Variants in SMCR8 observed in about 807,000 individuals in gnomAD.
The protein encoded by SMCR8 is SMCR8-C9orf72 complex subunit.
A neutral mutation model predicts 56.6 loss-of-function variants in SMCR8; 30 were observed. The observed-to-expected ratio is 0.53, with a 90% CI of 0.40 to 0.72. The LOEUF is 0.72. Ranked by LOEUF, SMCR8 falls within the 30% of genes least tolerant of loss-of-function variation. SMCR8 has a pLI of 0.00. For synonymous variants in SMCR8, 538 were observed against 456.0 expected (o/e 1.18, Z -2.29); for missense variants, 1,198 against 1,157.0 (o/e 1.04, Z -0.51).
chr17:18,319,538 T>C (rs1982435955), intron 1 of SMCR8, among the ~76,000 whole-genome samples: 1 of 152,114 alleles, frequency 6.6e-6, no homozygotes, highest in African/African-American at 2.4e-5. Flanking sequence ...TCAGGCCCAC[T>C]GCTCACATGA....
chr17:18,316,608 C>T lies in SMCR8; in HGVS notation c.819C>T (p.His273=), dbSNP rs373672233. The change falls in exon 1 of 2, where the codon CAC becomes CAT. Residue 273 remains histidine (H), a synonymous_variant. Coordinates refer to ENST00000406438, the MANE Select transcript of SMCR8 (RefSeq NM_144775.3). ...ATTTGTGTCCTGGTGAGATGGAGCA[C>T]ATCCAGGATCAGGCCAGCCAGGCAT... The part of the protein sequence containing the change: ...GHDLCPGEME[H]IQDQASQAST... 8.7e-6 allele frequency: 14 copies of T among 1,614,062 alleles called. No individual in the cohort carries two copies. Among genetic ancestry groups the T allele is most frequent in the Non-Finnish European group, 1.2e-5 (14 of 1,180,040 alleles).
At chr17:18,321,877 A>G (rs1004705133) in intron 1 of SMCR8, among the ~76,000 whole-genome samples, 2 of 152,232 alleles carry the variant, frequency 1.3e-5, no homozygotes, top group South Asian at 2.1e-4. Flanking sequence ...CTTATAGGTG[A>G]GGCTCAGAGA....
intron 1 of SMCR8, among the ~76,000 whole-genome samples, chr17:18,320,826 C>T (rs371259457): frequency 1.3e-5 from 2 of 152,164 alleles, no homozygotes; most frequent in East Asian, 1.9e-4. Flanking sequence ...TTGCTTTTGC[C>T]GTGGTCTGCC....
chr17:18,318,098 C>G lies in SMCR8; in HGVS notation c.2309C>G (p.Ser770Cys), dbSNP rs773260663. The stretch of plus-strand genomic sequence containing the variant: ...AAGCCCGTGAAACATTGGGCCTCCT[C>G]CCCTTTGCACATTATGGATTTTCAG... ...YAKPVKHWAS[S>C]PLHIMDFQKW... is the part of the protein sequence containing the mutation. The change falls in exon 1 of 2, where the codon TCC (serine) becomes TGC (cysteine). Residue 770 changes from serine to cysteine, a missense_variant. Transcript: ENST00000406438. 2 of 1,613,910 alleles carry G rather than the reference C, an allele frequency of 1.2e-6. No homozygotes were observed. The highest frequency in any genetic ancestry group is 1.7e-6 in the Non-Finnish European group (2 of 1,179,866).
rs1257460050 is a variant in SMCR8, at chr17:18,317,992, G to T, written c.2203G>T (p.Val735Phe). ...YSLLSGRTLVVLGEDEAIVRK... is the reference protein window; with the variant it reads ...YSLLSGRTLVFLGEDEAIVRK... ...CCTGCTCAGTGGGAGGACACTTGTGGTCCTGGGGGAAGATGAGGCCATAGT... is the reference window on the plus strand; with the variant it reads ...CCTGCTCAGTGGGAGGACACTTGTGTTCCTGGGGGAAGATGAGGCCATAGT... The change falls in exon 1 of 2, where the codon GTC becomes TTC. Residue 735 changes from valine (V) to phenylalanine (F), a missense_variant. By Grantham distance (50) the Val-to-Phe change is conservative. Transcript: ENST00000406438. 6.2e-7 allele frequency: 1 copy of T among 1,614,126 alleles called. No homozygotes were observed.
Position 18,318,109 on chromosome 17 carries a change from A to G in SMCR8, c.2320A>G (p.Ile774Val), listed in dbSNP as rs770909725. The change falls in exon 1 of 2, where the codon ATT becomes GTT. Residue 774 changes from isoleucine to valine, a missense_variant. Ile to Val is a conservative substitution (Grantham distance 29). Transcript: ENST00000406438. The stretch of plus-strand genomic sequence containing the variant: ...ACATTGGGCCTCCTCCCCTTTGCAC[A>G]TTATGGATTTTCAGAAGTGGAAGCT... The part of the protein sequence containing the change: ...VKHWASSPLH[I>V]MDFQKWKLIG... The G allele has an allele frequency of 1.4e-5, 22 of 1,613,278 alleles. No individual in the cohort carries two copies. Among genetic ancestry groups the G allele is most frequent in the East Asian group, 2.2e-5 (1 of 44,858 alleles).
rs1005177405 is a variant in SMCR8 at position 18,317,844 on chromosome 17, C to T, written c.2055C>T (p.Ser685=). 1.2e-6 allele frequency: 2 copies of T among 1,614,194 alleles called. No homozygotes were observed. Among genetic ancestry groups the T allele is most frequent in the Middle Eastern group, 1.6e-4 (1 of 6,062 alleles). Residue 685 remains serine (S), a synonymous_variant, in exon 1 of 2, where the codon AGC becomes AGT. Coordinates refer to ENST00000406438, the MANE Select transcript of SMCR8 (RefSeq NM_144775.3). ...TSYVSSVAST[S]SDRIPSAYPA... The stretch of plus-strand genomic sequence containing the variant: ...ACGTGAGCAGTGTAGCGTCCACCAG[C>T]TCAGACAGGATCCCCTCTGCTTATC...
chr17:18,323,216 T>G lies in SMCR8; in HGVS notation c.*146T>G. ...TTCCCACGTGGCTCCTAGTAGTTTT[T>G]AAGTTGGACATGGGCAGAAGTGGAG... On this transcript the variant is annotated 3_prime_UTR_variant, in exon 2 of 2. Coordinates refer to ENST00000406438, the MANE Select transcript of SMCR8 (RefSeq NM_144775.3). The G allele has an allele frequency of 1.4e-6, 1 of 699,988 alleles. No homozygotes were observed. Among genetic ancestry groups the G allele is most frequent in the South Asian group, 1.9e-5 (1 of 51,494 alleles). 43.4% of individuals were successfully genotyped at this position (699,988 alleles called of 1,614,324 possible).
intron 1 of SMCR8, among the ~76,000 whole-genome samples, chr17:18,321,705 G>A (rs921594755): frequency 1.2e-4 from 19 of 152,198 alleles, no homozygotes; most frequent in African/African-American, 4.3e-4. Flanking sequence ...GGTGGCATAC[G>A]CCTATAGTAC....
Position 18,323,051 on chromosome 17 carries a change from G to A in SMCR8, c.2795G>A (p.Ser932Asn). Residue 932 changes from serine (S) to asparagine (N), a missense_variant, in exon 2 of 2, where the codon AGC becomes AAC. By Grantham distance (46) the Ser-to-Asn change is conservative (BLOSUM62 1). Coordinates refer to ENST00000406438, the MANE Select transcript of SMCR8 (RefSeq NM_144775.3). ...ATGCTCAGGTTTGACTATGTCCCCA[G>A]CTTTTTGTATAAAATCTGAGGTCGG... ...HPMLRFDYVPSFLYKI is the reference protein window; with the variant it reads ...HPMLRFDYVPNFLYKI 12 of 1,613,354 alleles carry A rather than the reference G, an allele frequency of 7.4e-6. No homozygotes were observed. The highest frequency in any genetic ancestry group is 1.0e-5 in the Non-Finnish European group (12 of 1,179,526).
Position 18,316,127 on chromosome 17 carries a change from C to T in SMCR8, c.338C>T (p.Pro113Leu), listed in dbSNP as rs753150911. 6 of 1,613,988 alleles carry T rather than the reference C, an allele frequency of 3.7e-6. No individual in the cohort carries two copies. In the East Asian group the frequency reaches 1.1e-4, roughly 30 times the overall value. The change falls in exon 1 of 2, where the codon CCC becomes CTC. Residue 113 changes from proline (P) to leucine (L), a missense_variant. Pro to Leu is a moderately conservative substitution (Grantham distance 98). Coordinates refer to ENST00000406438, the MANE Select transcript of SMCR8 (RefSeq NM_144775.3). ...FVGHPPGSAY[P>L]KLNFVEDSKV... ...GGCCATCCTCCTGGATCTGCCTACCCCAAGCTGAACTTCGTGGAGGACTCC... is the reference window on the plus strand; with the variant it reads ...GGCCATCCTCCTGGATCTGCCTACCTCAAGCTGAACTTCGTGGAGGACTCC...
Position 18,323,214 on chromosome 17 carries a change from T to C in SMCR8, c.*144T>C, listed in dbSNP as rs894826643. ...GGTTCCCACGTGGCTCCTAGTAGTT[T>C]TTAAGTTGGACATGGGCAGAAGTGG... On this transcript the variant is annotated 3_prime_UTR_variant, in exon 2 of 2. Transcript: ENST00000406438. The C allele has an allele frequency of 7.0e-6, 5 of 715,326 alleles. No individual in the cohort carries two copies. The African/African-American group carries it at 8.9e-5, about 13-fold the overall frequency. The allele number at this position is 715,326 out of a possible 1,614,324, so 44.3% of individuals were successfully genotyped here.
rs1304436738 is a variant in SMCR8, at chr17:18,327,713, C to T, written c.*4643C>T. The stretch of plus-strand genomic sequence containing the variant: ...AAAGCTATTTTATTACTGCATGTTC[C>T]CGTCCCGTCTTGTGAATGTGAGTCC... On this transcript the variant is annotated 3_prime_UTR_variant, in exon 2 of 2. Coordinates refer to ENST00000406438, the MANE Select transcript of SMCR8 (RefSeq NM_144775.3). The T allele has an allele frequency of 1.3e-5, 2 of 152,350 alleles. No homozygotes were observed. Among genetic ancestry groups the T allele is most frequent in the East Asian group, 3.9e-4 (2 of 5,192 alleles). 9.4% of individuals were successfully genotyped at this position (152,350 alleles called of 1,614,324 possible).
chr17:18,315,328 A>G lies in SMCR8; in HGVS notation c.-462A>G, dbSNP rs1982210491. On this transcript the variant is annotated 5_prime_UTR_variant, in exon 1 of 2. Transcript: ENST00000406438. The stretch of plus-strand genomic sequence containing the variant: ...AAGATGGCGGCGCCGCGGTAGCAGG[A>G]TCCGGGTTGTGGCGTCCTAGGAGCC... 1 of 158,624 alleles carries G rather than the reference A, an allele frequency of 6.3e-6. No homozygotes were observed. The highest frequency in any genetic ancestry group is 2.4e-5 in the African/African-American group (1 of 41,536). The allele number at this position is 158,624 out of a possible 1,614,324, so 9.8% of individuals were successfully genotyped here.
chr17:18,322,693 G>C lies in SMCR8; in HGVS notation c.2437G>C (p.Asp813His). 2.5e-6 allele frequency: 4 copies of C among 1,614,238 alleles called. No homozygotes were observed. Among genetic ancestry groups the C allele is most frequent in the Non-Finnish European group, 3.4e-6 (4 of 1,180,036 alleles). Residue 813 changes from aspartate (D) to histidine (H), a missense_variant, in exon 2 of 2, where the codon GAC becomes CAC. By Grantham distance (81) the Asp-to-His change is moderately conservative (BLOSUM62 -1). Coordinates refer to ENST00000406438, the MANE Select transcript of SMCR8 (RefSeq NM_144775.3). ...YSRYTSILDL[D>H]NKTLRCPLYR... ...CCGCTACACGAGCATCCTGGACCTTGACAACAAAACCCTGCGCTGCCCCCT... is the reference window on the plus strand; with the variant it reads ...CCGCTACACGAGCATCCTGGACCTTCACAACAAAACCCTGCGCTGCCCCCT...
Position 18,316,834 on chromosome 17 carries a change from C to G in SMCR8, c.1045C>G (p.Leu349Val), listed in dbSNP as rs376640683. Residue 349 changes from leucine to valine, a missense_variant, in exon 1 of 2, where the codon CTG (leucine) becomes GTG (valine). Physicochemically the swap from Leu to Val is conservative, Grantham distance 32. Transcript: ENST00000406438. ...SHIEHMFRGDLCYLLTSQIDR... is the reference protein window; with the variant it reads ...SHIEHMFRGDVCYLLTSQIDR... Reference sequence around the variant, plus strand: ...CATTGAACACATGTTCAGAGGAGACCTGTGTTACCTCCTGACCAGTCAGAT... The same window carrying G: ...CATTGAACACATGTTCAGAGGAGACGTGTGTTACCTCCTGACCAGTCAGAT... 4 of 1,614,084 alleles carry G rather than the reference C, an allele frequency of 2.5e-6. No individual in the cohort carries two copies. The African/African-American group carries it at 5.3e-5, about 22-fold the overall frequency.
chr17:18,322,643 C>A lies in SMCR8; in HGVS notation c.2387C>A (p.Thr796Asn). 1 of 1,613,910 alleles carries A rather than the reference C, an allele frequency of 6.2e-7. No individual in the cohort carries two copies. The highest frequency in any genetic ancestry group is 8.5e-7 in the Non-Finnish European group (1 of 1,179,822). ...QRVASPAGAG[T>N]LHALSRYSRY... ...GTGGCCTCCCCTGCCGGTGCCGGTACCCTCCATGCCCTGAGCCGCTACAGC... is the reference window on the plus strand; with the variant it reads ...GTGGCCTCCCCTGCCGGTGCCGGTAACCTCCATGCCCTGAGCCGCTACAGC... Residue 796 changes from threonine to asparagine, a missense_variant, in exon 2 of 2, where the codon ACC becomes AAC. Transcript: ENST00000406438.
Position 18,323,165 on chromosome 17 carries a change from TAA to T in SMCR8, c.*96_*97del, listed in dbSNP as rs975988458. The T allele has an allele frequency of 2.1e-5, 24 of 1,125,602 alleles. No individual in the cohort carries two copies. Among genetic ancestry groups the T allele is most frequent in the Non-Finnish European group, 2.5e-5 (20 of 787,930 alleles). 69.7% of individuals were successfully genotyped at this position (1,125,602 alleles called of 1,614,324 possible). A position where few individuals can be genotyped will look rare whatever the true frequency, so the allele number is the denominator to read the frequency against. ...AAACAGTTGCCTGAGCTGGACTGTT[TAA>T]GTTTCTGGTGTCTGGCAGCATGGTT... On this transcript the variant is annotated 3_prime_UTR_variant, in exon 2 of 2. Transcript: ENST00000406438.
In SMCR8 at chr17:18,317,928, C is replaced by G; in HGVS notation, c.2139C>G (p.Phe713Leu). 1 of 1,614,208 alleles carries G rather than the reference C, an allele frequency of 6.2e-7. No homozygotes were observed. Residue 713 changes from phenylalanine to leucine, a missense_variant, in exon 1 of 2, where the codon TTC becomes TTG. Transcript: ENST00000406438. ...GGGCTGGCCAGAACGCCTTAAAATTCATCCGCCAGTACCCCTTTGCCCACC... is the reference window on the plus strand; with the variant it reads ...GGGCTGGCCAGAACGCCTTAAAATTGATCCGCCAGTACCCCTTTGCCCACC... ...KKRAGQNALK[F>L]IRQYPFAHPA...
Sources: gnomAD v4.1 joint callset for allele counts (sites outside exome capture counted in the v4.1 genomes callset) on GRCh38, gnomAD v4.1.1 for gene constraint, MANE v1.5 for transcripts, NCBI Gene and HGNC (gene_info 2026-07-23, HGNC 2026-07-21) for gene names.